LRCH2: variants seen among roughly 807,000 people sequenced by gnomAD.
LRCH2 encodes the protein leucine rich repeats and calponin homology domain containing 2, also known as leucine-rich repeat and calponin homology domain-containing protein 2.
LRCH2 carries 38 observed loss-of-function variants against 68.9 expected under a neutral mutation model. The ratio of observed to expected loss-of-function variants is 0.55; its 90% CI spans 0.43 to 0.72. The LOEUF is 0.72. Ranked by LOEUF, LRCH2 falls within the 30% of genes least tolerant of loss-of-function variation. The pLI, the probability that LRCH2 is intolerant of heterozygous loss-of-function variation, is 0.00. For missense variants in LRCH2, 528 were observed against 572.9 expected (o/e 0.92, Z 0.80); for synonymous variants, 191 against 208.1 (o/e 0.92, Z 0.71).
chrX:115,189,203 T>G (rs1198658606), intron 1 of LRCH2, among the ~76,000 whole-genome samples: 1 of 112,477 alleles, frequency 8.9e-6, no homozygotes, highest in Non-Finnish European at 1.9e-5. Context: ...AGACTACACT[T>G]CTGGGATCTC....
At chrX:115,181,020 C>T (rs190954107) in intron 3 of LRCH2, among the ~76,000 whole-genome samples, 16 of 111,511 alleles carry the variant, frequency 1.4e-4, no homozygotes, top group African/African-American at 5.2e-4. Flanking sequence ...AGGGATACTA[C>T]TTTATCTCAT....
intron 11 of LRCH2, among the ~76,000 whole-genome samples, chrX:115,158,075 A>G (rs782249830): frequency 5.4e-5 from 6 of 112,031 alleles, no homozygotes; most frequent in Admixed American, 9.5e-5. Flanking sequence ...AAACATCTAG[A>G]TTATTAACAT....
intron 2 of LRCH2, 28 bp from the exon 3 acceptor site, chrX:115,184,565 G>A (rs1556553759): frequency 3.6e-6 from 4 of 1,101,485 alleles, no homozygotes; most frequent in Admixed American, 6.4e-5. Context: ...GTTTCATTAC[G>A]AGAATATGTA....
intron 14 of LRCH2, among the ~76,000 whole-genome samples, chrX:115,136,849 C>T (rs1165024531): frequency 2.7e-5 from 3 of 112,014 alleles, no homozygotes; most frequent in Non-Finnish European, 5.6e-5. Flanking sequence ...TACAGTTTTA[C>T]AGATTTAAGA....
At chrX:115,121,701 A>C (rs2072145238) in intron 20 of LRCH2, among the ~76,000 whole-genome samples, 1 of 112,275 alleles carries the variant, frequency 8.9e-6, no homozygotes, top group Non-Finnish European at 1.9e-5. Flanking sequence ...TCAACTATAT[A>C]CAAGAGGTAA....
intron 1 of LRCH2, among the ~76,000 whole-genome samples, chrX:115,189,204 C>T (rs1478178010): frequency 8.0e-5 from 9 of 112,561 alleles, no homozygotes; most frequent in Non-Finnish European, 1.5e-4. Flanking sequence ...GACTACACTT[C>T]TGGGATCTCT....
At chrX:115,166,432 AAT>A (rs2072560572) in intron 6 of LRCH2, 90 bp from the exon 7 acceptor site, 1 of 544,063 alleles carries the variant, frequency 1.8e-6, no homozygotes, top group African/African-American at 2.3e-5. Context: ...GATAATACAG[AAT>A]ATATACTTTT....
chrX:115,155,660 A>T lies in LRCH2; in HGVS notation c.1529+942T>A, dbSNP rs150394151. 9.8e-5 allele frequency among the ~76,000 whole-genome samples: 11 copies of T among 111,993 alleles called. No homozygotes were observed. The East Asian group carries it at 2.5e-3, about 26-fold the overall frequency. On this transcript the variant is annotated intron_variant, in intron 12 of 20. Coordinates refer to ENST00000317135, the MANE Select transcript of LRCH2 (RefSeq NM_020871.4). ...ATGTGACACTTTCTGTGTGCTAATC[A>T]CCGTCATAAGCAATTTACTACATTA...
Position 115,111,678 on chromosome X carries a change from AC to A in LRCH2, c.*1537del, listed in dbSNP as rs1569510901. 2 of 111,503 alleles carry A rather than the reference AC, an allele frequency of 1.8e-5. No individual in the cohort carries two copies. Among genetic ancestry groups the A allele is most frequent in the African/African-American group, 3.3e-5 (1 of 30,750 alleles). 9.2% of individuals were successfully genotyped at this position (111,503 alleles called of 1,213,427 possible). On this transcript the variant is annotated 3_prime_UTR_variant, in exon 21 of 21. Transcript: ENST00000317135. ...TTAATTCTTTAAAAGCTCCAATTTG[AC>A]CCTTGGGGAATGTAATGAACACATC...
At position 115,123,905 on chromosome X, in the gene LRCH2, T is replaced by A. The variant is rs186605357; in HGVS notation, c.1849+40A>T. 472 of 870,328 alleles carry A rather than the reference T, an allele frequency of 5.4e-4. No individual in the cohort carries two copies. In the African/African-American group the frequency reaches 8.4e-3, roughly 16 times the overall value. 71.7% of individuals were successfully genotyped at this position (870,328 alleles called of 1,213,427 possible). A position where few individuals can be genotyped will look rare whatever the true frequency, so the allele number is the denominator to read the frequency against. On this transcript the variant is annotated intron_variant, in intron 17 of 20. Coordinates refer to ENST00000317135, the MANE Select transcript of LRCH2 (RefSeq NM_020871.4). ...CATTTAAGCTGGGAAACTAGTTTCA[T>A]ATATAACTAATAAATTTTATTTACA...
chrX:115,212,037 A>G (rs1251302019), intron 1 of LRCH2, among the ~76,000 whole-genome samples: 4 of 112,360 alleles, frequency 3.6e-5, no homozygotes, highest in African/African-American at 1.3e-4. Context: ...AACATCTTAT[A>G]GCCAAAAGCA....
At chrX:115,202,354 G>A (rs1197256508) in intron 1 of LRCH2, among the ~76,000 whole-genome samples, 1 of 111,509 alleles carries the variant, frequency 9.0e-6, no homozygotes, top group Non-Finnish European at 1.9e-5. Flanking sequence ...CAGAGTGATA[G>A]ACAATGGAGA....
In LRCH2 at chrX:115,149,851, T is replaced by C; in HGVS notation, c.1671A>G (p.Lys557=). The C allele has an allele frequency of 8.4e-7, 1 of 1,194,632 alleles. No homozygotes were observed. The highest frequency in any genetic ancestry group is 1.7e-5 in the African/African-American group (1 of 57,492). ...CCTTGAAATATTCTTTTCTAATCTG[T>C]TTGCTCCGCCTCCTTTCTTCACTCT... The part of the protein sequence containing the change: ...IWQSEERRRS[K]QIRKEYFKYK... The change falls in exon 14 of 21, where the codon AAA becomes AAG. Residue 557 remains lysine (K), a synonymous_variant. Transcript: ENST00000317135.
chrX:115,118,928 T>C (rs1305682933), intron 20 of LRCH2, among the ~76,000 whole-genome samples: 1 of 111,669 alleles, frequency 9.0e-6, no homozygotes, highest in Non-Finnish European at 1.9e-5. Flanking sequence ...CACATGATTA[T>C]CGCAATAGAT....
rs2073168942 is a variant in LRCH2 at position 115,233,772 on chromosome X, G to A, written c.270C>T (p.Ser90=). 6 of 1,177,065 alleles carry A rather than the reference G, an allele frequency of 5.1e-6. No individual in the cohort carries two copies. The highest frequency in any genetic ancestry group is 1.8e-5 in the African/African-American group (1 of 56,823). The change falls in exon 1 of 21, where the codon TCC becomes TCT. Residue 90 remains serine, a synonymous_variant. Coordinates refer to ENST00000317135, the MANE Select transcript of LRCH2 (RefSeq NM_020871.4). The stretch of plus-strand genomic sequence containing the variant: ...TCCGACCACTGAGGCTCAGGATGCC[G>A]GAGCTGCCCGCCTCTTCCAGGGCCC... The part of the protein sequence containing the change: ...LDRALEEAGS[S]GILSLSGRKL...
At chrX:115,129,923 A>T (rs1423057469) in intron 15 of LRCH2, among the ~76,000 whole-genome samples, 1 of 111,646 alleles carries the variant, frequency 9.0e-6, no homozygotes, top group Non-Finnish European at 1.9e-5. Context: ...ACGAATGATG[A>T]TAAAATTCTA....
intron 1 of LRCH2, chrX:115,190,973 A>G (rs1556558480): frequency 8.6e-7 from 1 of 1,162,392 alleles, no homozygotes; most frequent in Non-Finnish European, 1.1e-6. Context: ...GGCCACTATG[A>G]GGAGAACCGA....
intron 17 of LRCH2, 46 bp from the exon 18 acceptor site, chrX:115,123,238 G>A (rs1556526637): frequency 1.0e-6 from 1 of 991,722 alleles, no homozygotes; most frequent in South Asian, 2.1e-5. Context: ...TTAATGGGAA[G>A]GAGCAACTAT....
At chrX:115,120,721 C>T (rs1477613467) in intron 20 of LRCH2, among the ~76,000 whole-genome samples, 2 of 94,461 alleles carry the variant, frequency 2.1e-5, no homozygotes, top group African/African-American at 3.9e-5. Flanking sequence ...CACATGCACA[C>T]GTATGTTTAT....
Sources: gnomAD v4.1 joint callset for allele counts (sites outside exome capture counted in the v4.1 genomes callset) on GRCh38, gnomAD v4.1.1 for gene constraint, MANE v1.5 for transcripts, NCBI Gene and HGNC (gene_info 2026-07-23, HGNC 2026-07-21) for gene names.